Variants in GSTCD observed in about 807,000 individuals in gnomAD.
GSTCD encodes glutathione S-transferase C-terminal domain-containing protein.
In GSTCD, 44 loss-of-function variants were observed where a neutral mutation model predicts 68.3. The ratio of observed to expected loss-of-function variants is 0.64; its 90% CI spans 0.51 to 0.83. The LOEUF is 0.83. GSTCD is among the 40% of genes least tolerant of loss of function. The pLI, the probability that GSTCD is intolerant of heterozygous loss-of-function variation, is 0.00. For synonymous variants in GSTCD, 273 were observed against 255.2 expected, an observed-to-expected ratio of 1.07 and a Z score of -0.67; for missense variants, 739 against 735.9, an observed-to-expected ratio of 1.00 and a Z score of -0.05.
In GSTCD at chr4:105,740,635, G is replaced by A. The variant is rs562530290; in HGVS notation, c.1240+11136G>A. On this transcript the variant is annotated intron_variant, in intron 5 of 11. Coordinates refer to ENST00000515279, the MANE Select transcript of GSTCD (RefSeq NM_001370181.1). ...TTTAAACGTTTTTTCATCTAAAACT[G>A]AGACTTAAACAGACAAGTTACCTTT... 3.9e-5 allele frequency among the ~76,000 whole-genome samples: 6 copies of A among 152,250 alleles called. No homozygotes were observed. The South Asian group carries it at 1.2e-3, about 32-fold the overall frequency.
chr4:105,793,286 C>A (rs1735745248), intron 5 of GSTCD, among the ~76,000 whole-genome samples: 1 of 151,834 alleles, frequency 6.6e-6, no homozygotes, highest in Admixed American at 6.5e-5. Context: ...TTGTCAAGAC[C>A]TTTGTAAGGT....
rs150561951 is a variant in GSTCD, at chr4:105,735,285, G to A, written c.1240+5786G>A. ...CCTGCCCCCAGAGTTGGAGACTACA[G>A]AGGCAGGCAGGCCTCCTTGAGCTGC... is the stretch of plus-strand genomic sequence containing the variant. On this transcript the variant is annotated intron_variant, in intron 5 of 11. Transcript: ENST00000515279. 2.9e-3 allele frequency among the ~76,000 whole-genome samples: 449 copies of A among 152,290 alleles called. 8 individuals carry two copies. Among genetic ancestry groups the A allele is most frequent in the African/African-American group, 0.01 (427 of 41,558 alleles).
At chr4:105,732,832 G>C (rs934729462) in intron 5 of GSTCD, among the ~76,000 whole-genome samples, 3 of 152,034 alleles carry the variant, frequency 2.0e-5, no homozygotes, top group African/African-American at 4.8e-5. Flanking sequence ...GCATTTAGTG[G>C]TATAAATTTC....
chr4:105,839,366 T>G (rs1180203182), intron 10 of GSTCD, among the ~76,000 whole-genome samples: 1 of 152,244 alleles, frequency 6.6e-6, no homozygotes, highest in Non-Finnish European at 1.5e-5. Context: ...CCAGGTGCAG[T>G]GGCTCACGCC....
At chr4:105,841,574 C>T (rs1306617047) in intron 10 of GSTCD, among the ~76,000 whole-genome samples, 1 of 152,030 alleles carries the variant, frequency 6.6e-6, no homozygotes, top group East Asian at 1.9e-4. Flanking sequence ...GTGGCTCATA[C>T]CTGTTAATCA....
intron 5 of GSTCD, among the ~76,000 whole-genome samples, chr4:105,777,468 A>G (rs1440940395): frequency 1.3e-5 from 2 of 152,168 alleles, no homozygotes; most frequent in Non-Finnish European, 2.9e-5. Context: ...TTATCTTTCA[A>G]TATGCAGCTT....
chr4:105,842,067 A>T lies in GSTCD; in HGVS notation c.1698A>T (p.Glu566Asp). 6.2e-7 allele frequency: 1 copy of T among 1,613,116 alleles called. No homozygotes were observed. Among genetic ancestry groups the T allele is most frequent in the African/African-American group, 1.3e-5 (1 of 75,018 alleles). ...EQFKKTLSYKEHMILCRFADQ... is the reference protein window; with the variant it reads ...EQFKKTLSYKDHMILCRFADQ... ...CATTCTATTGCTTTTTCTTTTAGGAACACATGATTCTGTGCAGATTTGCAG... is the reference window on the plus strand; with the variant it reads ...CATTCTATTGCTTTTTCTTTTAGGATCACATGATTCTGTGCAGATTTGCAG... Residue 566 changes from glutamate (E) to aspartate (D), a missense_variant and splice_region_variant, in exon 11 of 12, where the codon GAA (glutamate) becomes GAT (aspartate). By Grantham distance (45) the Glu-to-Asp change is conservative (BLOSUM62 2). Coordinates refer to ENST00000515279, the MANE Select transcript of GSTCD (RefSeq NM_001370181.1).
chr4:105,740,657 C>T (rs1439777408), intron 5 of GSTCD, among the ~76,000 whole-genome samples: 1 of 152,004 alleles, frequency 6.6e-6, no homozygotes, highest in Non-Finnish European at 1.5e-5. Context: ...GACAAGTTAC[C>T]TTTTATCATC....
intron 5 of GSTCD, among the ~76,000 whole-genome samples, chr4:105,738,071 C>G (rs773043257): frequency 9.9e-5 from 15 of 152,206 alleles, no homozygotes; most frequent in Middle Eastern, 3.2e-3. Flanking sequence ...TCCTAAGACC[C>G]TTACCAGAAG....
At chr4:105,818,339 A>C (rs755173236) in intron 5 of GSTCD, among the ~76,000 whole-genome samples, 8 of 151,832 alleles carry the variant, frequency 5.3e-5, no homozygotes, top group Non-Finnish European at 1.0e-4. Flanking sequence ...ATTCTGGAAT[A>C]AGGAAAGGTG....
At chr4:105,784,577 T>C (rs1032391474) in intron 5 of GSTCD, among the ~76,000 whole-genome samples, 1 of 152,244 alleles carries the variant, frequency 6.6e-6, no homozygotes, top group African/African-American at 2.4e-5. Flanking sequence ...CATTGATGAT[T>C]GTTGCCTGAA....
At chr4:105,799,533 C>A in intron 5 of GSTCD, among the ~76,000 whole-genome samples, 1 of 151,984 alleles carries the variant, frequency 6.6e-6, no homozygotes, top group Non-Finnish European at 1.5e-5. Context: ...AATAGGGATG[C>A]CCAAGGAGAG....
intron 5 of GSTCD, among the ~76,000 whole-genome samples, chr4:105,773,320 T>C (rs906980278): frequency 2.0e-5 from 3 of 152,130 alleles, no homozygotes; most frequent in African/African-American, 7.2e-5. Flanking sequence ...CCTGGATTCA[T>C]TGATTTTTTT....
Position 105,845,541 on chromosome 4 carries a change from TC to T in GSTCD, c.1869del (p.Asn625IlefsTer3), listed in dbSNP as rs776373725. 1 of 1,614,088 alleles carries T rather than the reference TC, an allele frequency of 6.2e-7. No homozygotes were observed. Among genetic ancestry groups the T allele is most frequent in the Non-Finnish European group, 8.5e-7 (1 of 1,179,976 alleles). On this transcript the variant is annotated frameshift_variant, in exon 12 of 12. Transcript: ENST00000515279. LOFTEE classifies it high-confidence loss of function. ...TATCCATGGAGCCAGAGAGCTGCTC[TC>T]CCAAAAATAACATGATTGTGGGAGT... ...VISMEPESCSPKNNMIVGVPI is the reference protein window; with the variant it reads ...VISMEPESCSXKNNMIVGVPI
intron 8 of GSTCD, among the ~76,000 whole-genome samples, chr4:105,827,617 T>G (rs756606680): frequency 3.9e-5 from 6 of 152,136 alleles, no homozygotes; most frequent in Non-Finnish European, 8.8e-5. Flanking sequence ...AGGTTCTAAC[T>G]CCTGTGTTAA....
intron 5 of GSTCD, among the ~76,000 whole-genome samples, chr4:105,786,458 A>C (rs1272557864): frequency 6.6e-6 from 1 of 151,054 alleles, no homozygotes; most frequent in African/African-American, 2.4e-5. Context: ...GTTGCAGTGA[A>C]CCGCAGACTG....
chr4:105,740,027 G>A (rs892156361), intron 5 of GSTCD, among the ~76,000 whole-genome samples: 1 of 152,078 alleles, frequency 6.6e-6, no homozygotes, highest in Non-Finnish European at 1.5e-5. Context: ...GGATGTCAGG[G>A]CATTGGACAG....
At chr4:105,822,854 C>T (rs1405017886) in intron 5 of GSTCD, 100 bp from the exon 6 acceptor site, 2 of 748,430 alleles carry the variant, frequency 2.7e-6, no homozygotes, top group Admixed American at 4.5e-5. Flanking sequence ...TATGCTCCTC[C>T]CCCTCCTCCT....
At chr4:105,765,864 G>A (rs1269615096) in intron 5 of GSTCD, among the ~76,000 whole-genome samples, 9 of 152,250 alleles carry the variant, frequency 5.9e-5, no homozygotes, top group African/African-American at 2.2e-4. Context: ...TGTGAAGAAA[G>A]ACGTGTTTGC....
Sources: gnomAD v4.1 joint callset for allele counts (sites outside exome capture counted in the v4.1 genomes callset) on GRCh38, gnomAD v4.1.1 for gene constraint, MANE v1.5 for transcripts, NCBI Gene and HGNC (gene_info 2026-07-23, HGNC 2026-07-21) for gene names.